The following MORC3 variants were observed in gnomAD, a reference collection of about 807,000 sequenced individuals.
MORC3 encodes MORC family CW-type zinc finger 3.
In MORC3, 31 loss-of-function variants were observed where a neutral mutation model predicts 109.1. That is an observed-to-expected ratio of 0.28 (90% CI 0.21 to 0.38). The LOEUF (loss-of-function observed/expected upper bound fraction) is 0.38. Ranked by LOEUF, MORC3 falls within the 10% of genes least tolerant of loss-of-function variation. The probability of loss-of-function intolerance (pLI) is 1.00; values close to 1 mark genes in which losing one functional copy is unlikely to be tolerated. For missense variants in MORC3, 867 were observed against 1,135.8 expected, an observed-to-expected ratio of 0.76 and a Z score of 3.40; for synonymous variants, 395 against 380.7, an observed-to-expected ratio of 1.04 and a Z score of -0.44.
Position 36,375,264 on chromosome 21 carries a change from G to A in MORC3, c.2788G>A (p.Val930Ile). 2 of 1,613,440 alleles carry A rather than the reference G, an allele frequency of 1.2e-6. No individual in the cohort carries two copies. The highest frequency in any genetic ancestry group is 1.7e-6 in the Non-Finnish European group (2 of 1,179,566). Reference sequence around the variant, plus strand: ...AGTTGATGAGATTTTAGGACAAGTTGTTGAACAAATGAGTGAAATCAGTAG... The same window carrying A: ...AGTTGATGAGATTTTAGGACAAGTTATTGAACAAATGAGTGAAATCAGTAG... Reference protein sequence around the residue: ...DVVDEILGQVVEQMSEISST With the variant: ...DVVDEILGQVIEQMSEISST Residue 930 changes from valine to isoleucine, a missense_variant, in exon 17 of 17, where the codon GTT (valine) becomes ATT (isoleucine). By Grantham distance (29) the Val-to-Ile change is conservative. This residue lies in a region of MORC3 where 34 missense variants were observed against 35.2 expected (regional missense o/e 0.97). Coordinates refer to ENST00000400485, the MANE Select transcript of MORC3 (RefSeq NM_015358.3).
At position 36,369,189 on chromosome 21, in the gene MORC3, T is replaced by C. The variant is rs763787077; in HGVS notation, c.1821T>C (p.Gly607=). Residue 607 remains glycine, a synonymous_variant, in exon 15 of 17, where the codon GGT becomes GGC. Coordinates refer to ENST00000400485, the MANE Select transcript of MORC3 (RefSeq NM_015358.3). ...AACAGAGTCACGTTGAGCAAGGTGG[T>C]GTTCAGGTTGAGTTTGTGGGTGACA... ...KSEQSHVEQG[G]VQVEFVGDSE... 9 of 1,614,132 alleles carry C rather than the reference T, an allele frequency of 5.6e-6. No individual in the cohort carries two copies. The African/African-American group carries it at 1.2e-4, about 22-fold the overall frequency.
At chr21:36,366,513 A>T (rs1258225681) in intron 14 of MORC3, among the ~76,000 whole-genome samples, 1 of 151,732 alleles carries the variant, frequency 6.6e-6, no homozygotes, top group Non-Finnish European at 1.5e-5. Context: ...CCTGGAGTGC[A>T]GTGGCATAAT....
rs1339134074 is a variant in MORC3 at position 36,376,237 on chromosome 21, T to C, written c.*941T>C. 2 of 152,752 alleles carry C rather than the reference T, an allele frequency of 1.3e-5. No homozygotes were observed. The highest frequency in any genetic ancestry group is 4.8e-5 in the African/African-American group (2 of 41,578). 9.5% of individuals were successfully genotyped at this position (152,752 alleles called of 1,614,324 possible). A position where few individuals can be genotyped will look rare whatever the true frequency, so the allele number is the denominator to read the frequency against. ...CTTAGGATTATAGTATTACATGCCA[T>C]AAAATACTATGCTTTATTGGTCCCA... On this transcript the variant is annotated 3_prime_UTR_variant, in exon 17 of 17. Transcript: ENST00000400485.
intron 16 of MORC3, among the ~76,000 whole-genome samples, chr21:36,374,424 A>G (rs944735238): frequency 6.6e-6 from 1 of 152,118 alleles, no homozygotes; most frequent in African/African-American, 2.4e-5. Flanking sequence ...TGTTTAACAC[A>G]ATGTTTTGCA....
At chr21:36,340,713 T>C (rs1309541380) in intron 5 of MORC3, among the ~76,000 whole-genome samples, 1 of 148,950 alleles carries the variant, frequency 6.7e-6, no homozygotes, top group Non-Finnish European at 1.5e-5. Context: ...CTCGGCTCAC[T>C]GCAACCTCCG....
At chr21:36,359,850 A>G in intron 10 of MORC3, 105 bp from the exon 11 acceptor site, 1 of 1,482,184 alleles carries the variant, frequency 6.7e-7, no homozygotes, top group Admixed American at 1.8e-5. Context: ...TTTTTAGGAA[A>G]GGAATTAAAT....
chr21:36,374,379 C>T (rs749625810), intron 16 of MORC3, among the ~76,000 whole-genome samples: 1 of 152,140 alleles, frequency 6.6e-6, no homozygotes, highest in Non-Finnish European at 1.5e-5. Flanking sequence ...GCGTGAACCT[C>T]TGTGCCCGGC....
At chr21:36,359,556 C>CTTTTTTTTTTTTTT (rs5843757) in intron 10 of MORC3, among the ~76,000 whole-genome samples, 3 of 93,952 alleles carry the variant, frequency 3.2e-5, no homozygotes, top group East Asian at 3.2e-4. Context: ...CTTTCCTCTC[C>CTTTTTTTTTTTTTT]TTTTTTTTTT....
At chr21:36,346,284 G>C (rs889252648) in intron 8 of MORC3, among the ~76,000 whole-genome samples, 1 of 152,206 alleles carries the variant, frequency 6.6e-6, no homozygotes, top group Non-Finnish European at 1.5e-5. Context: ...TTCTCAGCGT[G>C]CTCAGATTAC....
At chr21:36,365,051 CAA>C (rs72445251) in intron 14 of MORC3, among the ~76,000 whole-genome samples, 6 of 94,380 alleles carry the variant, frequency 6.4e-5, no homozygotes, top group Non-Finnish European at 6.0e-5. Flanking sequence ...GACTCCATCT[CAA>C]AAAAAAAAAA....
intron 1 of MORC3, among the ~76,000 whole-genome samples, chr21:36,329,927 A>C (rs1033652370): frequency 1.3e-5 from 2 of 151,454 alleles, no homozygotes; most frequent in African/African-American, 2.4e-5. Flanking sequence ...CAATGACCTG[A>C]TCTCAGCTCA....
At position 36,369,437 on chromosome 21, in the gene MORC3, A is replaced by G. The variant is rs772625103; in HGVS notation, c.2069A>G (p.Asp690Gly). 13 of 1,614,236 alleles carry G rather than the reference A, an allele frequency of 8.1e-6. No homozygotes were observed. The highest frequency in any genetic ancestry group is 1.1e-5 in the Non-Finnish European group (13 of 1,180,044). Reference protein sequence around the residue: ...ETQETTDKSADDAGCQLQELR... With the variant: ...ETQETTDKSAGDAGCQLQELR... Reference sequence around the variant, plus strand: ...CAGGAAACCACCGATAAATCTGCAGATGATGCAGGCTGCCAATTACAAGAA... The same window carrying G: ...CAGGAAACCACCGATAAATCTGCAGGTGATGCAGGCTGCCAATTACAAGAA... Residue 690 changes from aspartate (D) to glycine (G), a missense_variant, in exon 15 of 17, where the codon GAT becomes GGT. This residue lies in a region of MORC3 where 486 missense variants were observed against 502.1 expected (regional missense o/e 0.97). Coordinates refer to ENST00000400485, the MANE Select transcript of MORC3 (RefSeq NM_015358.3).
rs752572932 is a variant in MORC3, at chr21:36,320,284, G to C, written c.20G>C (p.Arg7Pro). The C allele has an allele frequency of 1.3e-6, 2 of 1,575,292 alleles. No homozygotes were observed. The highest frequency in any genetic ancestry group is 2.3e-5 in the South Asian group (2 of 86,756). MAAQPP[R>P]GIRLSALCPK... ...CTCAAGATGGCGGCGCAGCCACCCC[G>C]CGGGATACGCCTCAGCGCGGTGAGC... Residue 7 changes from arginine to proline, a missense_variant, in exon 1 of 17, where the codon CGC (arginine) becomes CCC (proline). Physicochemically the swap from Arg to Pro is moderately radical, Grantham distance 103 (BLOSUM62 -2). This residue lies in a region of MORC3 where 33 missense variants were observed against 18.5 expected (regional missense o/e 1.78). Coordinates refer to ENST00000400485, the MANE Select transcript of MORC3 (RefSeq NM_015358.3).
chr21:36,347,007 T>TAAAA (rs754081259), intron 8 of MORC3, among the ~76,000 whole-genome samples: 1 of 113,686 alleles, frequency 8.8e-6, no homozygotes, highest in Non-Finnish European at 1.9e-5. Context: ...CCCTGTCTCT[T>TAAAA]AAAAAAAAAA....
chr21:36,333,771 T>C (rs1444374758), intron 2 of MORC3, 53 bp downstream of exon 2: 35 of 1,395,864 alleles, frequency 2.5e-5, no homozygotes, highest in Non-Finnish European at 3.3e-5. Flanking sequence ...TGTAGTGTTT[T>C]TTTTTTTGTT....
intron 7 of MORC3, 58 bp from the exon 8 acceptor site, chr21:36,344,854 A>G: frequency 1.2e-6 from 2 of 1,604,382 alleles, no homozygotes; most frequent in Non-Finnish European, 1.7e-6. Context: ...AATGAAATAG[A>G]AAGGATGATT....
chr21:36,324,954 C>A (rs957217526), intron 1 of MORC3, among the ~76,000 whole-genome samples: 4 of 152,088 alleles, frequency 2.6e-5, no homozygotes, highest in African/African-American at 9.7e-5. Context: ...ACTGATCCAC[C>A]CGCCTCGGCC....
chr21:36,350,265 G>A (rs1447692224), intron 9 of MORC3, among the ~76,000 whole-genome samples: 2 of 151,954 alleles, frequency 1.3e-5, no homozygotes, highest in Non-Finnish European at 2.9e-5. Flanking sequence ...CCAAGATGGC[G>A]CCACTGTACT....
chr21:36,320,868 T>A (rs77607707), intron 1 of MORC3, among the ~76,000 whole-genome samples: 1,589 of 152,312 alleles, frequency 0.01, 28 homozygotes, highest in African/African-American at 0.037. Context: ...AGCTCTCCTC[T>A]TTATCCCGCG....
Sources: allele counts gnomAD v4.1 joint callset (sites outside exome capture counted in the v4.1 genomes callset), GRCh38; gene constraint gnomAD v4.1.1; regional missense constraint gnomAD v4.1.1; transcripts MANE v1.5; gene names NCBI Gene and HGNC (gene_info 2026-07-23, HGNC 2026-07-21).